Variants in ARHGEF18 observed in about 807,000 individuals in gnomAD.
The protein encoded by ARHGEF18 is Rho/Rac guanine nucleotide exchange factor 18.
A neutral mutation model predicts 155.7 loss-of-function variants in ARHGEF18; 93 were observed. That is an observed-to-expected ratio of 0.60 (90% CI 0.50 to 0.71). The LOEUF is 0.71. Among genes scored for constraint, ARHGEF18 ranks in the 30% least tolerant of loss-of-function variants. The pLI is 0.00. For synonymous variants in ARHGEF18, 742 were observed against 753.1 expected, an observed-to-expected ratio of 0.99 and a Z score of 0.24; for missense variants, 1,593 against 1,816.1, an observed-to-expected ratio of 0.88 and a Z score of 2.23.
chr19:7,476,800 C>G (rs1392839618), downstream of ARHGEF18: 1 of 178,972 alleles, frequency 5.6e-6, no homozygotes, highest in African/African-American at 2.3e-5. Flanking sequence ...GTGTGGTTTC[C>G]AACTTTGGGT....
rs985142295 is a variant in ARHGEF18, at chr19:7,456,524, C to T, written c.2181+121C>T. On this transcript the variant is annotated intron_variant, in intron 18 of 28. Coordinates refer to ENST00000668164, the MANE Select transcript of ARHGEF18 (RefSeq NM_001367823.1). Reference sequence around the variant, plus strand: ...TTGAGGTCAAGAGTTGAAGTCCAGCCTGGCCAACATGGTGAAACCTCACCT... The same window carrying T: ...TTGAGGTCAAGAGTTGAAGTCCAGCTTGGCCAACATGGTGAAACCTCACCT... 3 of 890,554 alleles carry T rather than the reference C, an allele frequency of 3.4e-6. No homozygotes were observed. In the African/African-American group the frequency reaches 5.0e-5, roughly 15 times the overall value. 55.2% of individuals were successfully genotyped at this position (890,554 alleles called of 1,614,324 possible).
At chr19:7,456,879 C>T (rs564065286) in intron 18 of ARHGEF18, among the ~76,000 whole-genome samples, 34 of 152,216 alleles carry the variant, frequency 2.2e-4, no homozygotes, top group East Asian at 1.9e-4. Context: ...GGATTACAGG[C>T]GCCCGCCACC....
At chr19:7,357,253 ATG>A (rs1244557536) in intron 1 of ARHGEF18, among the ~76,000 whole-genome samples, 2 of 152,134 alleles carry the variant, frequency 1.3e-5, no homozygotes, top group Non-Finnish European at 2.9e-5. Context: ...CCAACGGTGG[ATG>A]GCGATCCTGA....
intron 5 of ARHGEF18, 95 bp from the exon 6 acceptor site, chr19:7,378,299 G>A (rs1970558574): frequency 2.1e-6 from 2 of 943,724 alleles, no homozygotes; most frequent in Middle Eastern, 2.4e-4. Context: ...CAGTTCTGCA[G>A]GGGCCCAGGG....
At chr19:7,358,496 T>G (rs566731572) in intron 1 of ARHGEF18, among the ~76,000 whole-genome samples, 1 of 137,488 alleles carries the variant, frequency 7.3e-6, no homozygotes, top group East Asian at 2.3e-4. Flanking sequence ...ATCCACTCAT[T>G]CATCCATCCA....
intron 10 of ARHGEF18, among the ~76,000 whole-genome samples, chr19:7,389,230 A>C (rs1023669555): frequency 3.4e-5 from 5 of 148,268 alleles, no homozygotes; most frequent in African/African-American, 1.2e-4. Flanking sequence ...GGTTCACTAC[A>C]ACCTCTGCCT....
chr19:7,450,677 T>G (rs12972526), intron 15 of ARHGEF18, among the ~76,000 whole-genome samples: 7,453 of 149,258 alleles, frequency 0.05, 188 homozygotes, highest in South Asian at 0.069. Flanking sequence ...TCCGAGATGT[T>G]AATGCGGGAT....
At position 7,472,201 on chromosome 19, in the gene ARHGEF18, A is replaced by G. The variant is rs911275484; in HGVS notation, c.*1903A>G. The G allele has an allele frequency of 6.6e-6, 1 of 152,200 alleles. No homozygotes were observed. The highest frequency in any genetic ancestry group is 6.5e-5 in the Admixed American group (1 of 15,284). The allele number at this position is 152,200 out of a possible 1,614,324, so 9.4% of individuals were successfully genotyped here. A position where few individuals can be genotyped will look rare whatever the true frequency, so the allele number is the denominator to read the frequency against. ...CCCCGCCATGTGGCAGAGGGGTCTC[A>G]GTCGTGCTAGGCATCGGGCGGCAGC... On this transcript the variant is annotated 3_prime_UTR_variant, in exon 29 of 29. Transcript: ENST00000668164.
chr19:7,349,883 T>G (rs1969115707), intron 1 of ARHGEF18, among the ~76,000 whole-genome samples: 1 of 152,090 alleles, frequency 6.6e-6, no homozygotes, highest in Non-Finnish European at 1.5e-5. Context: ...AACTGCAGAT[T>G]CCGGGCCCCC....
At chr19:7,423,122 G>A (rs1284592953) in intron 10 of ARHGEF18, among the ~76,000 whole-genome samples, 1 of 152,106 alleles carries the variant, frequency 6.6e-6, no homozygotes, top group Admixed American at 6.6e-5. Flanking sequence ...TAGCCGGGAG[G>A]AGCTAAGCCC....
chr19:7,445,960 T>G (rs1974963487), intron 14 of ARHGEF18, among the ~76,000 whole-genome samples: 1 of 152,126 alleles, frequency 6.6e-6, no homozygotes, highest in Non-Finnish European at 1.5e-5. Flanking sequence ...TGAAATTTAC[T>G]TTTTTTCTCG....
chr19:7,378,555 T>A, intron 6 of ARHGEF18, 104 bp downstream of exon 6: 1 of 925,190 alleles, frequency 1.1e-6, no homozygotes, highest in South Asian at 5.5e-5. Flanking sequence ...TGGCCATAAG[T>A]GACCAGGGCC....
chr19:7,405,131 A>T (rs1240452173), intron 10 of ARHGEF18, among the ~76,000 whole-genome samples: 1 of 151,620 alleles, frequency 6.6e-6, no homozygotes, highest in East Asian at 2.0e-4. Flanking sequence ...CTTATTTTTT[A>T]TATTTTTAGT....
In ARHGEF18 at chr19:7,435,990, T is replaced by C. The variant is rs550262678; in HGVS notation, c.968-4354T>C. Among the ~76,000 whole-genome samples the C allele has an allele frequency of 2.0e-5, 3 of 152,150 alleles. No homozygotes were observed. In the South Asian group the frequency reaches 6.2e-4, roughly 32 times the overall value. ...CTGGAACTACTGGCACACACCAACATGCCTGCCTAATTTTTTGTTGTTGTT... is the reference window on the plus strand; with the variant it reads ...CTGGAACTACTGGCACACACCAACACGCCTGCCTAATTTTTTGTTGTTGTT... On this transcript the variant is annotated intron_variant, in intron 10 of 28. Transcript: ENST00000668164.
intron 1 of ARHGEF18, among the ~76,000 whole-genome samples, chr19:7,350,761 GGGGTGGGT>G (rs1246543653): frequency 1.3e-4 from 8 of 63,662 alleles, no homozygotes; most frequent in East Asian, 8.2e-4. Context: ...TGAGTTTTTT[GGGGTGGGT>G]GTGTGTGTGT....
intron 10 of ARHGEF18, among the ~76,000 whole-genome samples, chr19:7,434,511 C>T (rs934503965): frequency 6.6e-6 from 1 of 152,178 alleles, no homozygotes; most frequent in Non-Finnish European, 1.5e-5. Flanking sequence ...GCCAGGTGCT[C>T]ACTAATCGAT....
the ARHGEF18 span, among the ~76,000 whole-genome samples, chr19:7,478,539 A>G: frequency 6.6e-6 from 1 of 152,100 alleles, no homozygotes; most frequent in South Asian, 2.1e-4. Context: ...GCTGTGCCTC[A>G]TGCTCCCGGG....
chr19:7,468,758 T>G (rs760765004), intron 26 of ARHGEF18, 67 bp from the exon 27 acceptor site: 19 of 1,458,748 alleles, frequency 1.3e-5, no homozygotes, highest in Non-Finnish European at 1.6e-5. Context: ...TGCACGACCC[T>G]CGGGGGCTCT....
intron 2 of ARHGEF18, among the ~76,000 whole-genome samples, chr19:7,365,794 A>G (rs1012761103): frequency 2.6e-5 from 4 of 151,482 alleles, no homozygotes; most frequent in Non-Finnish European, 4.4e-5. Flanking sequence ...AACCCCAAGG[A>G]CCCTCCATTT....
Sources: allele counts gnomAD v4.1 joint callset (sites outside exome capture counted in the v4.1 genomes callset), GRCh38; gene constraint gnomAD v4.1.1; transcripts MANE v1.5; gene names NCBI Gene and HGNC (gene_info 2026-07-23, HGNC 2026-07-21).